The following SART3 variants were observed in gnomAD, a reference collection of about 807,000 sequenced individuals.
SART3 encodes the protein HIV-1 Tat-interacting protein of 110kDa.
In SART3, 44 loss-of-function variants were observed where a neutral mutation model predicts 122.3. The ratio of observed to expected loss-of-function variants is 0.36; its 90% CI spans 0.28 to 0.46. SART3 has a LOEUF of 0.46. Among genes scored for constraint, SART3 ranks in the 20% least tolerant of loss-of-function variants. The probability of loss-of-function intolerance (pLI) is 1.00; values close to 1 mark genes in which losing one functional copy is unlikely to be tolerated. For synonymous variants in SART3, 442 were observed against 454.0 expected (o/e 0.97, Z 0.34); for missense variants, 1,101 against 1,229.0 (o/e 0.90, Z 1.56).
chr12:108,558,133 C>T (rs571267529), intron 1 of SART3, among the ~76,000 whole-genome samples: 2 of 152,066 alleles, frequency 1.3e-5, no homozygotes, highest in Non-Finnish European at 2.9e-5. Flanking sequence ...CACACCACTA[C>T]TCCAGCATGG....
intron 7 of SART3, among the ~76,000 whole-genome samples, chr12:108,538,706 GTTA>G (rs1226460727): frequency 1.3e-5 from 2 of 152,114 alleles, no homozygotes; most frequent in South Asian, 4.2e-4. Flanking sequence ...ATATCAAGTT[GTTA>G]TAAGTCCTCA....
chr12:108,546,873 G>A (rs1219648184), intron 3 of SART3, among the ~76,000 whole-genome samples: 2 of 151,998 alleles, frequency 1.3e-5, no homozygotes, highest in South Asian at 2.1e-4. Context: ...AGGCTAGAGT[G>A]TAGTAGCACA....
intron 14 of SART3, 84 bp downstream of exon 14, chr12:108,531,120 A>G: frequency 1.9e-6 from 2 of 1,027,744 alleles, no homozygotes; most frequent in Non-Finnish European, 1.5e-6. Flanking sequence ...AGGAAAATGT[A>G]AAACATCTTG....
At chr12:108,548,175 A>G (rs1434676773) in intron 2 of SART3, among the ~76,000 whole-genome samples, 184 bp from the exon 3 acceptor site, 1 of 152,266 alleles carries the variant, frequency 6.6e-6, no homozygotes, top group Non-Finnish European at 1.5e-5. Flanking sequence ...AATAAGATCA[A>G]ATCACTAAAA....
Position 108,543,061 on chromosome 12 carries a change from C to A in SART3, c.873G>T (p.Gln291His). 1.2e-6 allele frequency: 2 copies of A among 1,614,250 alleles called. No individual in the cohort carries two copies. Among genetic ancestry groups the A allele is most frequent in the Non-Finnish European group, 1.7e-6 (2 of 1,180,042 alleles). Reference sequence around the variant, plus strand: ...CTTCATAGGGTTTATATTTCTCCAGCTGCTGTAGTGCTTTGTTATAGTTCT... The same window carrying A: ...CTTCATAGGGTTTATATTTCTCCAGATGCTGTAGTGCTTTGTTATAGTTCT... ...VIQNYNKALQQLEKYKPYEEA... is the reference protein window; with the variant it reads ...VIQNYNKALQHLEKYKPYEEA... Residue 291 changes from glutamine to histidine, a missense_variant, in exon 6 of 19, where the codon CAG becomes CAT. Gln to His is a conservative substitution (Grantham distance 24). Transcript: ENST00000546815.
Position 108,549,099 on chromosome 12 carries a change from G to A in SART3, c.428C>T (p.Pro143Leu), listed in dbSNP as rs1249712413. The change falls in exon 2 of 19, where the codon CCC becomes CTC. Residue 143 changes from proline (P) to leucine (L), a missense_variant. This residue lies in a region of SART3 where 885 missense variants were observed against 1,080.1 expected (regional missense o/e 0.82). Coordinates refer to ENST00000546815, the MANE Select transcript of SART3 (RefSeq NM_014706.4). Reference protein sequence around the residue: ...MARQKMSEIFPLTEELWLEWL... With the variant: ...MARQKMSEIFLLTEELWLEWL... ...CTGCTGAAGCTTACCTTCAGTCAAG[G>A]GAAAGATTTCACTCATCTTCTGGCG... 1.9e-6 allele frequency: 3 copies of A among 1,614,098 alleles called. No homozygotes were observed. Among genetic ancestry groups the A allele is most frequent in the Non-Finnish European group, 2.5e-6 (3 of 1,179,966 alleles).
At chr12:108,560,531 C>A in intron 1 of SART3, 1 of 420,676 alleles carries the variant, frequency 2.4e-6, no homozygotes, top group East Asian at 3.5e-5. Flanking sequence ...GATCAAAGTA[C>A]AAGGCCTGAC....
intron 11 of SART3, among the ~76,000 whole-genome samples, chr12:108,536,153 ATC>A (rs1475679731): frequency 6.6e-6 from 1 of 152,218 alleles, no homozygotes; most frequent in East Asian, 1.9e-4. Context: ...AAGGAATTTT[ATC>A]TGTCTTATTC....
At chr12:108,527,970 T>C (rs566854654) in intron 15 of SART3, among the ~76,000 whole-genome samples, 1 of 152,152 alleles carries the variant, frequency 6.6e-6, no homozygotes, top group Admixed American at 6.5e-5. Context: ...TTCACCATGT[T>C]GGCCAGGTTG....
chr12:108,547,870 AG>A lies in SART3; in HGVS notation c.544+16del. The A allele has an allele frequency of 6.3e-7, 1 of 1,595,610 alleles. No individual in the cohort carries two copies. The highest frequency in any genetic ancestry group is 1.3e-5 in the African/African-American group (1 of 74,738). On this transcript the variant is annotated intron_variant, in intron 3 of 18. Coordinates refer to ENST00000546815, the MANE Select transcript of SART3 (RefSeq NM_014706.4). ...ATGACATTGCCAGATATCCAAAAAA[AG>A]TCCACGGGAACTTACAAATGTAATC...
intron 1 of SART3, among the ~76,000 whole-genome samples, chr12:108,555,254 A>C (rs1165216023): frequency 6.6e-6 from 1 of 152,372 alleles, no homozygotes; most frequent in African/African-American, 2.4e-5. Flanking sequence ...CAAGCTTTAA[A>C]ATGTAATTTT....
At position 108,543,093 on chromosome 12, in the gene SART3, C is replaced by T; in HGVS notation, c.841G>A (p.Val281Ile). The change falls in exon 6 of 19, where the codon GTA becomes ATA. Residue 281 changes from valine to isoleucine, a missense_variant. Coordinates refer to ENST00000546815, the MANE Select transcript of SART3 (RefSeq NM_014706.4). ...AGTGCTTTGTTATAGTTCTGAATTA[C>T]TGACTCTGGTATTGGGTCTTCTGAC... ...EWSEDPIPESVIQNYNKALQQ... is the reference protein window; with the variant it reads ...EWSEDPIPESIIQNYNKALQQ... 1 of 1,614,204 alleles carries T rather than the reference C, an allele frequency of 6.2e-7. No individual in the cohort carries two copies. Among genetic ancestry groups the T allele is most frequent in the Middle Eastern group, 1.6e-4 (1 of 6,062 alleles).
chr12:108,545,535 A>AT (rs1364087066), intron 3 of SART3, among the ~76,000 whole-genome samples: 1 of 152,216 alleles, frequency 6.6e-6, no homozygotes, highest in African/African-American at 2.4e-5. Flanking sequence ...AAATGGTGCT[A>AT]TTAACAATGC....
chr12:108,535,291 C>T, intron 12 of SART3, 68 bp downstream of exon 12: 1 of 1,267,248 alleles, frequency 7.9e-7, no homozygotes, highest in Non-Finnish European at 1.2e-6. Flanking sequence ...TGGTAGGAGT[C>T]AGCCAGGAGT....
chr12:108,558,671 A>G (rs902224292), intron 1 of SART3, among the ~76,000 whole-genome samples: 14 of 152,244 alleles, frequency 9.2e-5, no homozygotes, highest in African/African-American at 2.7e-4. Context: ...GACACAGTCA[A>G]TCTGGTACCC....
At chr12:108,554,896 A>G (rs558232183) in intron 1 of SART3, among the ~76,000 whole-genome samples, 75 of 152,240 alleles carry the variant, frequency 4.9e-4, no homozygotes, top group African/African-American at 1.7e-3. Flanking sequence ...CAAACAAATC[A>G]TTTGGAAATA....
intron 17 of SART3, 59 bp downstream of exon 17, chr12:108,525,398 T>A: frequency 1.9e-6 from 3 of 1,591,972 alleles, no homozygotes; most frequent in Non-Finnish European, 2.6e-6. Flanking sequence ...TTTGAACCGA[T>A]ACAGAAACGA....
intron 1 of SART3, among the ~76,000 whole-genome samples, chr12:108,553,866 T>C (rs1311509268): frequency 1.3e-5 from 2 of 152,354 alleles, no homozygotes; most frequent in South Asian, 4.1e-4. Context: ...AACCCTTCCA[T>C]GGCTTCCCAG....
chr12:108,544,965 G>A (rs1283235838), intron 4 of SART3, 174 bp downstream of exon 4: 6 of 744,896 alleles, frequency 8.1e-6, no homozygotes, highest in Non-Finnish European at 1.4e-5. Flanking sequence ...CCAAATGCTA[G>A]AAGGGGTATA....
Sources: gnomAD v4.1 joint callset for allele counts (sites outside exome capture counted in the v4.1 genomes callset) on GRCh38, gnomAD v4.1.1 for gene constraint, gnomAD v4.1.1 regional missense constraint, MANE v1.5 for transcripts, NCBI Gene and HGNC (gene_info 2026-07-23, HGNC 2026-07-21) for gene names.